Variants in DNAH10 observed in about 807,000 individuals in gnomAD.
DNAH10 encodes the protein dynein axonemal heavy chain 10.
A neutral mutation model predicts 506.6 loss-of-function variants in DNAH10; 348 were observed. That is an observed-to-expected ratio of 0.69 (90% CI 0.63 to 0.75). The LOEUF is 0.75. Ranked by LOEUF, DNAH10 falls within the 30% of genes least tolerant of loss-of-function variation. The pLI is 0.00. For missense variants in DNAH10, 5,179 were observed against 5,787.1 expected (o/e 0.89, Z 3.41); for synonymous variants, 2,059 against 2,198.6 (o/e 0.94, Z 1.78).
At chr12:123,826,109 G>A (rs773749992) in intron 24 of DNAH10, among the ~76,000 whole-genome samples, 1 of 151,568 alleles carries the variant, frequency 6.6e-6, no homozygotes, top group Non-Finnish European at 1.5e-5. Context: ...GGGTGGCAGC[G>A]AGACCCTGTC....
At chr12:123,777,138 A>C (rs1565890355) in intron 5 of DNAH10, among the ~76,000 whole-genome samples, 3 of 152,178 alleles carry the variant, frequency 2.0e-5, no homozygotes, top group Non-Finnish European at 2.9e-5. Context: ...AAGATCCCTC[A>C]GTTTCTGTTC....
chr12:123,793,912 A>C (rs1175551211), intron 11 of DNAH10, 30 bp from the exon 12 acceptor site: 2 of 1,178,238 alleles, frequency 1.7e-6, no homozygotes, highest in African/African-American at 3.2e-5. Context: ...TTACAGGGGC[A>C]TGAGGGTTGT....
chr12:123,890,484 C>T (rs1952933687), intron 52 of DNAH10, among the ~76,000 whole-genome samples: 1 of 151,292 alleles, frequency 6.6e-6, no homozygotes. Context: ...TGGAGTCTTC[C>T]TGCATTGCCC....
At chr12:123,805,656 A>C (rs1279261826) in intron 18 of DNAH10, among the ~76,000 whole-genome samples, 1 of 152,112 alleles carries the variant, frequency 6.6e-6, no homozygotes, top group Non-Finnish European at 1.5e-5. Context: ...CGTCACGTCT[A>C]TATTGTCAAG....
In DNAH10 at chr12:123,770,974, C is replaced by CTTTTTTT. The variant is rs33920942; in HGVS notation, c.299-615_299-609dup. 9.9e-4 allele frequency among the ~76,000 whole-genome samples: 125 copies of CTTTTTTT among 126,394 alleles called. 3 individuals carry two copies. Among genetic ancestry groups the CTTTTTTT allele is most frequent in the African/African-American group, 3.5e-3 (116 of 33,078 alleles). 82.9% of individuals were successfully genotyped at this position (126,394 alleles called of 152,430 possible). On this transcript the variant is annotated intron_variant, in intron 2 of 78. Transcript: ENST00000673944. Reference sequence around the variant, plus strand: ...AAATGCTAACATGCTAGCTGTAATTCTTTTTTTTTTTTTTTTTTGAGATGG... The same window carrying CTTTTTTT: ...AAATGCTAACATGCTAGCTGTAATTCTTTTTTTTTTTTTTTTTTTTTTTTTGAGATGG...
At position 123,767,514 on chromosome 12, in the gene DNAH10, C is replaced by T. The variant is rs570874954; in HGVS notation, c.215-92C>T. On this transcript the variant is annotated intron_variant, in intron 1 of 78. Transcript: ENST00000673944. ...GAGTCTCCTGTGGGCCACATACCAA[C>T]CCCTTGGCTCCACAGAAAGCAAAGA... The T allele has an allele frequency of 1.3e-5, 16 of 1,245,086 alleles. No homozygotes were observed. The Admixed American group carries it at 2.3e-4, about 18-fold the overall frequency. 77.1% of individuals were successfully genotyped at this position (1,245,086 alleles called of 1,614,324 possible). A position where few individuals can be genotyped will look rare whatever the true frequency, so the allele number is the denominator to read the frequency against.
chr12:123,801,026 A>G (rs961305255), intron 15 of DNAH10, among the ~76,000 whole-genome samples: 3 of 152,378 alleles, frequency 2.0e-5, no homozygotes, highest in South Asian at 2.1e-4. Flanking sequence ...CAAAAAAAAA[A>G]AGAAAAGTTT....
rs190195298 is a variant in DNAH10 at position 123,850,813 on chromosome 12, G to T, written c.6103-75G>T. The T allele has an allele frequency of 6.8e-6, 10 of 1,468,004 alleles. No homozygotes were observed. Among genetic ancestry groups the T allele is most frequent in the East Asian group, 4.7e-5 (2 of 42,962 alleles). 90.9% of individuals were successfully genotyped at this position (1,468,004 alleles called of 1,614,324 possible). On this transcript the variant is annotated intron_variant, in intron 34 of 78. Transcript: ENST00000673944. The surrounding 1 kb of genome is among the most constrained non-coding windows in gnomAD (Gnocchi z 5.5). ...AAAATGAATCGCCACGCAGCTCGCCGCAGGCCCCCTTTCCAAGGGGCTGGC... is the reference window on the plus strand; with the variant it reads ...AAAATGAATCGCCACGCAGCTCGCCTCAGGCCCCCTTTCCAAGGGGCTGGC...
chr12:123,808,948 A>T lies in DNAH10; in HGVS notation c.3139A>T (p.Thr1047Ser), dbSNP rs990171698. The change falls in exon 19 of 79, where the codon ACC becomes TCC. Residue 1047 changes from threonine to serine, a missense_variant. Transcript: ENST00000673944. The part of the protein sequence containing the change: ...FHCVRNCVEI[T>S]KHFVRWMNGS... ...TTGTGTCCGGAATTGCGTGGAGATC[A>T]CCAAGGTGAGAGCGGAGGTGCTTGT... 4.3e-6 allele frequency: 7 copies of T among 1,613,860 alleles called. No individual in the cohort carries two copies. The African/African-American group carries it at 9.4e-5, about 22-fold the overall frequency.
chr12:123,893,325 A>G lies in DNAH10; in HGVS notation c.9088A>G (p.Lys3030Glu). 1.2e-6 allele frequency: 2 copies of G among 1,614,058 alleles called. No individual in the cohort carries two copies. Among genetic ancestry groups the G allele is most frequent in the East Asian group, 2.2e-5 (1 of 44,892 alleles). Reference sequence around the variant, plus strand: ...TCTGAAGCAAGGCATGGGGCCGGCCAAGGAGTCTGTGTGGCAGTACTTCGT... The same window carrying G: ...TCTGAAGCAAGGCATGGGGCCGGCCGAGGAGTCTGTGTGGCAGTACTTCGT... ...EALKQGMGPA[K>E]ESVWQYFVNK... Residue 3030 changes from lysine (K) to glutamate (E), a missense_variant, in exon 53 of 79, where the codon AAG becomes GAG. Around this residue, in one of 3 missense-constraint regions of DNAH10, gnomAD observed 4,844 missense variants for 5,430.5 expected, o/e 0.89. Coordinates refer to ENST00000673944, the MANE Select transcript of DNAH10 (RefSeq NM_001372106.1).
At position 123,935,601 on chromosome 12, in the gene DNAH10, A is replaced by G. The variant is rs1428260172; in HGVS notation, c.*120A>G. On this transcript the variant is annotated 3_prime_UTR_variant, in exon 79 of 79. Coordinates refer to ENST00000673944, the MANE Select transcript of DNAH10 (RefSeq NM_001372106.1). Reference sequence around the variant, plus strand: ...GGAGGGGGACTGACACTGATTTTTCATTTGAAATCAGCCACTTAAATCTCT... The same window carrying G: ...GGAGGGGGACTGACACTGATTTTTCGTTTGAAATCAGCCACTTAAATCTCT... 1.5e-5 allele frequency: 16 copies of G among 1,102,566 alleles called. No homozygotes were observed. In the Admixed American group the frequency reaches 2.8e-4, roughly 19 times the overall value. The allele number at this position is 1,102,566 out of a possible 1,614,324, so 68.3% of individuals were successfully genotyped here.
intron 29 of DNAH10, among the ~76,000 whole-genome samples, chr12:123,841,015 A>G (rs1460758705): frequency 6.6e-6 from 1 of 152,176 alleles, no homozygotes; most frequent in Non-Finnish European, 1.5e-5. Flanking sequence ...CGCCTCCTCC[A>G]CGTTCCACTG....
rs1439286634 is a variant in DNAH10 at position 123,813,194 on chromosome 12, A to G, written c.3175A>G (p.Ile1059Val). Residue 1059 changes from isoleucine to valine, a missense_variant, in exon 20 of 79, where the codon ATA becomes GTA. Around this residue, in one of 3 missense-constraint regions of DNAH10, gnomAD observed 4,844 missense variants for 5,430.5 expected, o/e 0.89. Coordinates refer to ENST00000673944, the MANE Select transcript of DNAH10 (RefSeq NM_001372106.1). ...TGTTCGTTGGATGAATGGCAGCTGC[A>G]TAGAATGCCCACCTCAGAAGGGGGA... Reference protein sequence around the residue: ...HFVRWMNGSCIECPPQKGEEE... With the variant: ...HFVRWMNGSCVECPPQKGEEE... 2.5e-6 allele frequency: 4 copies of G among 1,610,848 alleles called. No homozygotes were observed. In the Admixed American group the frequency reaches 6.7e-5, roughly 27 times the overall value.
rs1309337229 is a variant in DNAH10 at position 123,916,252 on chromosome 12, CTA to C, written c.10723-204_10723-203del. On this transcript the variant is annotated intron_variant, in intron 62 of 78. Transcript: ENST00000673944. The surrounding 1 kb of genome is among the most constrained non-coding windows in gnomAD (Gnocchi z 4.6). ...CTGAGGAATCCCCTTCCTTTCCTCT[CTA>C]CCCTGTTTGAGCAAGATCCTGCCCT... Among the ~76,000 whole-genome samples the C allele has an allele frequency of 6.6e-6, 1 of 152,186 alleles. No individual in the cohort carries two copies. Among genetic ancestry groups the C allele is most frequent in the Non-Finnish European group, 1.5e-5 (1 of 68,030 alleles).
intron 65 of DNAH10, among the ~76,000 whole-genome samples, chr12:123,920,141 T>C (rs942978947): frequency 6.6e-5 from 10 of 152,350 alleles, no homozygotes; most frequent in Admixed American, 2.0e-4. Context: ...AGTGTCGTGA[T>C]CGTCTGCACA....
In DNAH10 at chr12:123,928,057, T is replaced by C. The variant is rs928004203; in HGVS notation, c.12106-330T>C. On this transcript the variant is annotated intron_variant, in intron 69 of 78. Coordinates refer to ENST00000673944, the MANE Select transcript of DNAH10 (RefSeq NM_001372106.1). This position sits in a 1 kb window ranked among gnomAD's most constrained non-coding sequence, Gnocchi z 4.9. ...CGACTTCCTGGTGGGCTTTAGCTGGTCTCTTGCAGCCCTGCTCAGGAGTCC... is the reference window on the plus strand; with the variant it reads ...CGACTTCCTGGTGGGCTTTAGCTGGCCTCTTGCAGCCCTGCTCAGGAGTCC... The C allele has an allele frequency of 2.4e-5, 10 of 409,474 alleles. No individual in the cohort carries two copies. In the Admixed American group the frequency reaches 4.1e-4, roughly 17 times the overall value. The allele number at this position is 409,474 out of a possible 1,614,324, so 25.4% of individuals were successfully genotyped here. A position where few individuals can be genotyped will look rare whatever the true frequency, so the allele number is the denominator to read the frequency against.
intron 28 of DNAH10, among the ~76,000 whole-genome samples, chr12:123,837,120 G>A (rs1961230962): frequency 6.7e-6 from 1 of 149,458 alleles, no homozygotes; most frequent in South Asian, 2.1e-4. Flanking sequence ...AAAAGTGCTG[G>A]GATTACAGAT....
chr12:123,884,560 C>A (rs1032175497), intron 51 of DNAH10, among the ~76,000 whole-genome samples: 1 of 152,108 alleles, frequency 6.6e-6, no homozygotes, highest in Non-Finnish European at 1.5e-5. Context: ...GATGACAGCA[C>A]GAAAAGTCTT....
At chr12:123,793,921 G>T in intron 11 of DNAH10, 21 bp from the exon 12 acceptor site, 4 of 1,196,866 alleles carry the variant, frequency 3.3e-6, no homozygotes, top group Non-Finnish European at 4.3e-6. Flanking sequence ...CATGAGGGTT[G>T]TTTTGTTGAT....
Sources: gnomAD v4.1 joint callset for allele counts (sites outside exome capture counted in the v4.1 genomes callset) on GRCh38, gnomAD v4.1.1 for gene constraint, gnomAD v4.1.1 regional missense constraint, Gnocchi (gnomAD v3.1) non-coding constraint, MANE v1.5 for transcripts, NCBI Gene and HGNC (gene_info 2026-07-23, HGNC 2026-07-21) for gene names.